ELMO1: variants seen among roughly 807,000 people sequenced by gnomAD.
The protein encoded by ELMO1 is engulfment and cell motility 1.
A neutral mutation model predicts 98.9 loss-of-function variants in ELMO1; 26 were observed. The ratio of observed to expected loss-of-function variants is 0.26; its 90% CI spans 0.19 to 0.36. The LOEUF (loss-of-function observed/expected upper bound fraction) is 0.36, where lower values mean the gene tolerates loss of function less well. ELMO1 is among the 10% of genes least tolerant of loss of function. The pLI, the probability that ELMO1 is intolerant of heterozygous loss-of-function variation, is 1.00. For synonymous variants in ELMO1, 346 were observed against 346.0 expected (o/e 1.00, Z 0.00); for missense variants, 627 against 935.2 (o/e 0.67, Z 4.30).
rs372939732 is a variant in ELMO1 at position 37,100,677 on chromosome 7, G to A, written c.1192-3950C>T. ...TCTTCCATGCCCTGTCACCTGTGGA[G>A]GCTTCTCTTCCACTGTGAACCTTTT... is the stretch of plus-strand genomic sequence containing the variant. On this transcript the variant is annotated intron_variant, in intron 14 of 21. Coordinates refer to ENST00000310758, the MANE Select transcript of ELMO1 (RefSeq NM_014800.11). Among the ~76,000 whole-genome samples the A allele has an allele frequency of 2.0e-5, 3 of 152,168 alleles. No homozygotes were observed. The East Asian group carries it at 5.8e-4, about 29-fold the overall frequency.
At chr7:36,889,017 C>G (rs1341320783) in intron 17 of ELMO1, among the ~76,000 whole-genome samples, 4 of 152,164 alleles carry the variant, frequency 2.6e-5, no homozygotes, top group Non-Finnish European at 4.4e-5. Context: ...GAAGGGGAAA[C>G]AACTCGTGGA....
At chr7:37,035,913 G>A (rs1022786808) in intron 15 of ELMO1, among the ~76,000 whole-genome samples, 3 of 152,192 alleles carry the variant, frequency 2.0e-5, no homozygotes, top group Non-Finnish European at 4.4e-5. Context: ...CATACAGTAT[G>A]TACTACAGTT....
At chr7:37,235,326 G>C (rs1427418684) in intron 7 of ELMO1, among the ~76,000 whole-genome samples, 1 of 152,208 alleles carries the variant, frequency 6.6e-6, no homozygotes, top group East Asian at 1.9e-4. Context: ...TTTATTAATA[G>C]ACTGGGTAGG....
chr7:37,410,200 A>G (rs1299561066), intron 1 of ELMO1, among the ~76,000 whole-genome samples: 2 of 152,078 alleles, frequency 1.3e-5, no homozygotes, highest in Admixed American at 6.6e-5. Context: ...AATTGACATG[A>G]AAAAAAATGA....
intron 16 of ELMO1, chr7:36,919,464 T>A (rs772851013): frequency 1.0e-5 from 5 of 499,848 alleles, no homozygotes; most frequent in South Asian, 7.3e-5. Context: ...GGCTTTGGGG[T>A]CACAGAACTC....
chr7:37,215,687 T>C (rs1793237992), intron 11 of ELMO1, among the ~76,000 whole-genome samples: 1 of 152,194 alleles, frequency 6.6e-6, no homozygotes, highest in African/African-American at 2.4e-5. Context: ...GCCTCACATA[T>C]CCCTTCCCTC....
intron 16 of ELMO1, among the ~76,000 whole-genome samples, chr7:36,904,746 G>T (rs998444335): frequency 6.6e-6 from 1 of 152,228 alleles, no homozygotes; most frequent in African/African-American, 2.4e-5. Context: ...TTTAGCATCT[G>T]CAGGGAGCTG....
chr7:37,206,389 A>C (rs1792620729), intron 13 of ELMO1, among the ~76,000 whole-genome samples: 1 of 152,256 alleles, frequency 6.6e-6, no homozygotes, highest in African/African-American at 2.4e-5. Context: ...TCTACAGCCC[A>C]AGCTTAATCA....
intron 16 of ELMO1, among the ~76,000 whole-genome samples, chr7:36,976,325 T>G (rs1290658724): frequency 6.6e-6 from 1 of 152,270 alleles, no homozygotes; most frequent in African/African-American, 2.4e-5. Flanking sequence ...AGTCTTTTAT[T>G]ATCATCCTAT....
chr7:37,217,865 T>A, intron 10 of ELMO1: 1 of 450,468 alleles, frequency 2.2e-6, no homozygotes, highest in Non-Finnish European at 4.5e-6. Flanking sequence ...ACGCCCCTGC[T>A]GACCCACTGC....
intron 13 of ELMO1, among the ~76,000 whole-genome samples, chr7:37,189,073 T>C (rs1485918049): frequency 1.3e-5 from 2 of 152,228 alleles, no homozygotes; most frequent in Non-Finnish European, 2.9e-5. Flanking sequence ...CTGTATATAA[T>C]AATTTTTAAA....
At chr7:37,109,969 T>G (rs1400717545) in intron 14 of ELMO1, among the ~76,000 whole-genome samples, 1 of 152,158 alleles carries the variant, frequency 6.6e-6, no homozygotes, top group Non-Finnish European at 1.5e-5. Context: ...GCCACAGCAA[T>G]GAACGCTCGT....
intron 15 of ELMO1, among the ~76,000 whole-genome samples, chr7:37,016,304 T>C (rs1188162270): frequency 6.6e-6 from 1 of 152,200 alleles, no homozygotes; most frequent in Non-Finnish European, 1.5e-5. Context: ...CCAACAGCTC[T>C]ACAAGCACTA....
intron 15 of ELMO1, among the ~76,000 whole-genome samples, chr7:37,032,077 C>T (rs560973753): frequency 6.6e-6 from 1 of 152,252 alleles, no homozygotes; most frequent in Non-Finnish European, 1.5e-5. Context: ...TCATTCCAGG[C>T]CTGCGTGAGT....
chr7:37,406,586 C>T (rs967796704), intron 1 of ELMO1, among the ~76,000 whole-genome samples: 3 of 151,804 alleles, frequency 2.0e-5, no homozygotes, highest in East Asian at 1.9e-4. Flanking sequence ...GCTACCATCA[C>T]GCCCGGATAA....
At chr7:36,994,017 C>CA (rs914044411) in intron 16 of ELMO1, among the ~76,000 whole-genome samples, 3 of 152,260 alleles carry the variant, frequency 2.0e-5, no homozygotes, top group Admixed American at 6.5e-5. Flanking sequence ...ATTTCACACA[C>CA]AAAAAAATCC....
chr7:36,961,422 G>T (rs1299229672), intron 16 of ELMO1, among the ~76,000 whole-genome samples: 3 of 152,134 alleles, frequency 2.0e-5, no homozygotes, highest in Non-Finnish European at 4.4e-5. Context: ...TTTCAGAAGT[G>T]ATATTAACAA....
chr7:37,019,654 C>T (rs112670612), intron 15 of ELMO1, among the ~76,000 whole-genome samples: 3,485 of 152,226 alleles, frequency 0.023, 134 homozygotes, highest in African/African-American at 0.079. Context: ...ACAATACTTA[C>T]TGAGAAAAAA....
chr7:37,130,345 C>T (rs1786827833), intron 14 of ELMO1, among the ~76,000 whole-genome samples: 1 of 152,090 alleles, frequency 6.6e-6, no homozygotes, highest in African/African-American at 2.4e-5. Flanking sequence ...AAATGTGCAG[C>T]CTGAGGGACT....
Sources: allele counts gnomAD v4.1 joint callset (sites outside exome capture counted in the v4.1 genomes callset), GRCh38; gene constraint gnomAD v4.1.1; transcripts MANE v1.5; gene names NCBI Gene and HGNC (gene_info 2026-07-23, HGNC 2026-07-21).